HSPA12A: variants seen among roughly 807,000 people sequenced by gnomAD.
The protein encoded by HSPA12A is heat shock 70 kDa protein 12A.
Under a neutral mutation model 69.2 loss-of-function variants are expected in HSPA12A, and 28 were observed. The observed-to-expected ratio is 0.40, with a 90% CI of 0.30 to 0.55. The LOEUF is 0.55. Ranked by LOEUF, HSPA12A falls within the 20% of genes least tolerant of loss-of-function variation. The pLI is 0.38. For synonymous variants in HSPA12A, 345 were observed against 370.5 expected, an observed-to-expected ratio of 0.93 and a Z score of 0.79; for missense variants, 686 against 900.7, an observed-to-expected ratio of 0.76 and a Z score of 3.05.
At chr10:116,748,100 A>C (rs1432323916) in intron 2 of HSPA12A, among the ~76,000 whole-genome samples, 1 of 152,234 alleles carries the variant, frequency 6.6e-6, no homozygotes, top group Non-Finnish European at 1.5e-5. Flanking sequence ...GCTACGGTCA[A>C]ACTCAGCCCC....
chr10:116,775,460 G>A (rs1238139088), intron 2 of HSPA12A, among the ~76,000 whole-genome samples: 2 of 152,194 alleles, frequency 1.3e-5, no homozygotes, highest in Admixed American at 1.3e-4. Flanking sequence ...AGCTGGAAAT[G>A]GCCAATGTAT....
At chr10:116,741,717 A>C (rs1178354712) in intron 1 of HSPA12A, among the ~76,000 whole-genome samples, 1 of 152,138 alleles carries the variant, frequency 6.6e-6, no homozygotes, top group Non-Finnish European at 1.5e-5. Flanking sequence ...TCCCCAAAGA[A>C]AGCGGCCCTA....
chr10:116,797,126 C>T lies in HSPA12A; in HGVS notation c.91+37809G>A, dbSNP rs180909647. On this transcript the variant is annotated intron_variant, in intron 2 of 12. Coordinates refer to the HSPA12A transcript ENST00000635765. ...TTGCTGCAGCCACCAGGGGGAGCTACAGGTTTCTCTTTGGAGCCCCAGAAC... is the reference window on the plus strand; with the variant it reads ...TTGCTGCAGCCACCAGGGGGAGCTATAGGTTTCTCTTTGGAGCCCCAGAAC... Among the ~76,000 whole-genome samples the T allele has an allele frequency of 2.9e-3, 443 of 152,326 alleles. 2 individuals carry two copies. The highest frequency in any genetic ancestry group is 9.8e-3 in the African/African-American group (409 of 41,580).
intron 1 of HSPA12A, among the ~76,000 whole-genome samples, chr10:116,736,736 T>C (rs1554886472): frequency 2.0e-5 from 3 of 152,144 alleles, no homozygotes; most frequent in Non-Finnish European, 2.9e-5. Flanking sequence ...AAATGGATTA[T>C]CCCCTAGAGC....
intron 1 of HSPA12A, among the ~76,000 whole-genome samples, chr10:116,845,406 T>G (rs9651469): frequency 0.025 from 3,811 of 152,278 alleles, 158 homozygotes; most frequent in African/African-American, 0.085. Flanking sequence ...GATTCCACCT[T>G]AGGTTTTCTC....
intron 2 of HSPA12A, among the ~76,000 whole-genome samples, chr10:116,776,825 T>C (rs551787159): frequency 1.3e-5 from 2 of 152,354 alleles, no homozygotes; most frequent in South Asian, 4.1e-4. Flanking sequence ...GTATTTTAGA[T>C]GTATATCCTT....
chr10:116,743,793 C>G (rs1265949693), upstream of HSPA12A, among the ~76,000 whole-genome samples: 1 of 152,216 alleles, frequency 6.6e-6, no homozygotes, highest in Admixed American at 6.5e-5. Context: ...GTTCAAAACA[C>G]AAAACTTGTC....
intron 6 of HSPA12A, among the ~76,000 whole-genome samples, chr10:116,687,123 A>G (rs1296867903): frequency 6.6e-6 from 1 of 152,172 alleles, no homozygotes; most frequent in Non-Finnish European, 1.5e-5. Flanking sequence ...CACATCCTGA[A>G]GACACTGAGG....
intron 1 of HSPA12A, among the ~76,000 whole-genome samples, chr10:116,728,115 G>A (rs1554885279): frequency 6.7e-6 from 1 of 150,284 alleles, no homozygotes; most frequent in South Asian, 2.1e-4. Flanking sequence ...GCCAATTTTT[G>A]TATTTTTAGT....
chr10:116,808,458 C>T (rs9420210), intron 2 of HSPA12A, among the ~76,000 whole-genome samples: 88,713 of 151,916 alleles, frequency 0.58, 26,216 homozygotes, highest in East Asian at 0.86. Flanking sequence ...GTGGTTTGTG[C>T]GTCTGTGGAT....
At chr10:116,784,461 AG>A (rs1333992074) in intron 2 of HSPA12A, among the ~76,000 whole-genome samples, 2 of 152,250 alleles carry the variant, frequency 1.3e-5, no homozygotes, top group African/African-American at 2.4e-5. Flanking sequence ...CACTAGAGCA[AG>A]AAGTTCATCT....
chr10:116,738,893 T>C (rs373685112), intron 1 of HSPA12A, among the ~76,000 whole-genome samples: 7 of 152,206 alleles, frequency 4.6e-5, no homozygotes, highest in African/African-American at 1.7e-4. Context: ...ACAGAAGGCA[T>C]GGGAGGACCA....
chr10:116,840,544 T>C (rs982238668), intron 1 of HSPA12A, among the ~76,000 whole-genome samples: 3 of 152,230 alleles, frequency 2.0e-5, no homozygotes, highest in African/African-American at 7.2e-5. Flanking sequence ...AAAGCATTTA[T>C]GATTAGGCAA....
chr10:116,798,689 T>C (rs1844889627), intron 2 of HSPA12A, among the ~76,000 whole-genome samples: 1 of 152,122 alleles, frequency 6.6e-6, no homozygotes, highest in Non-Finnish European at 1.5e-5. Flanking sequence ...GAGGGTCTCA[T>C]GACTACATTC....
At position 116,677,167 on chromosome 10, in the gene HSPA12A, C is replaced by T. The variant is rs577065508; in HGVS notation, c.1287-665G>A. On this transcript the variant is annotated intron_variant, in intron 10 of 11. Transcript: ENST00000369209. Reference sequence around the variant, plus strand: ...AACTGCGCTTGCCTTACCTCCTTCACGGGGGTTGTTGTAAAGACGAAGTTA... The same window carrying T: ...AACTGCGCTTGCCTTACCTCCTTCATGGGGGTTGTTGTAAAGACGAAGTTA... 1.8e-4 allele frequency among the ~76,000 whole-genome samples: 28 copies of T among 152,306 alleles called. No individual in the cohort carries two copies. In the South Asian group the frequency reaches 4.8e-3, roughly 26 times the overall value.
chr10:116,676,585 C>T, intron 10 of HSPA12A, 83 bp from the exon 11 acceptor site: 2 of 1,082,798 alleles, frequency 1.8e-6, no homozygotes, highest in Middle Eastern at 4.1e-4. Flanking sequence ...CCTGCCCTGG[C>T]AGAACATCTG....
rs868956691 is a variant in HSPA12A at position 116,774,256 on chromosome 10, G to A, written c.91+60679C>T. On this transcript the variant is annotated intron_variant, in intron 2 of 12. Coordinates refer to the HSPA12A transcript ENST00000635765. ...GATCTCCTGACCTCGTGATCCGCCCGCCTCGGCCTCCCAAAGTGCTGGGAT... is the reference window on the plus strand; with the variant it reads ...GATCTCCTGACCTCGTGATCCGCCCACCTCGGCCTCCCAAAGTGCTGGGAT... 5.3e-5 allele frequency among the ~76,000 whole-genome samples: 8 copies of A among 152,174 alleles called. No individual in the cohort carries two copies. The South Asian group carries it at 6.2e-4, about 12-fold the overall frequency.
At chr10:116,847,618 TGTGA>T (rs1752754828) in intron 1 of HSPA12A, among the ~76,000 whole-genome samples, 1 of 152,196 alleles carries the variant, frequency 6.6e-6, no homozygotes, top group Admixed American at 6.5e-5. Context: ...AACATCTGAT[TGTGA>T]GTTAAGTACT....
intron 1 of HSPA12A, among the ~76,000 whole-genome samples, chr10:116,715,519 T>C (rs1208834368): frequency 6.6e-6 from 1 of 152,200 alleles, no homozygotes; most frequent in Non-Finnish European, 1.5e-5. Flanking sequence ...ATAGCATTTC[T>C]GGGATTTGTA....
Sources: allele counts gnomAD v4.1 joint callset (sites outside exome capture counted in the v4.1 genomes callset), GRCh38; gene constraint gnomAD v4.1.1; transcripts MANE v1.5; gene names NCBI Gene and HGNC (gene_info 2026-07-23, HGNC 2026-07-21).